TYW1B: variants seen among roughly 807,000 people sequenced by gnomAD.
The protein encoded by TYW1B is tRNA-yW synthesizing protein 1 homolog B, also known as S-adenosyl-L-methionine-dependent tRNA 4-demethylwyosine synthase TYW1B.
Under a neutral mutation model 86.9 loss-of-function variants are expected in TYW1B, and 73 were observed. That is an observed-to-expected ratio of 0.84 (90% confidence interval 0.70 to 1.02). The LOEUF (loss-of-function observed/expected upper bound fraction) is 1.02. TYW1B is among the 50% of genes least tolerant of loss of function. TYW1B has a pLI of 0.00. For synonymous variants in TYW1B, 248 were observed against 292.8 expected, an observed-to-expected ratio of 0.85 and a Z score of 1.56; for missense variants, 637 against 827.4, an observed-to-expected ratio of 0.77 and a Z score of 2.82.
At chr7:72,600,471 A>G (rs1811639098) in intron 13 of TYW1B, among the ~76,000 whole-genome samples, 1 of 152,210 alleles carries the variant, frequency 6.6e-6, no homozygotes, top group Non-Finnish European at 1.5e-5. Context: ...CACCATCAAA[A>G]GTGGGATCCA....
Position 72,617,586 on chromosome 7 carries a change from T to C in TYW1B, c.1618-747A>G, listed in dbSNP as rs191468328. 2.6e-5 allele frequency among the ~76,000 whole-genome samples: 4 copies of C among 152,276 alleles called. No individual in the cohort carries two copies. In the East Asian group the frequency reaches 7.7e-4, roughly 29 times the overall value. On this transcript the variant is annotated intron_variant, in intron 12 of 13. Transcript: ENST00000620995. Reference sequence around the variant, plus strand: ...TTCGCCATGTTGACCAGGCTGGTCTTGAATTCCTGGCCTCAAGCAATCTAC... The same window carrying C: ...TTCGCCATGTTGACCAGGCTGGTCTCGAATTCCTGGCCTCAAGCAATCTAC...
At chr7:72,702,213 G>A (rs1302930421) in intron 10 of TYW1B, among the ~76,000 whole-genome samples, 1 of 152,068 alleles carries the variant, frequency 6.6e-6, no homozygotes, top group Non-Finnish European at 1.5e-5. Flanking sequence ...AGACAAACTT[G>A]AGTCACTTCA....
intron 11 of TYW1B, among the ~76,000 whole-genome samples, chr7:72,681,246 G>T (rs2844209): frequency 5.7e-4 from 78 of 136,700 alleles, no homozygotes; most frequent in Admixed American, 1.2e-3. Context: ...CAATTTGCTC[G>T]TTCACCAAAT....
At chr7:72,812,575 T>C (rs554582169) in intron 3 of TYW1B, among the ~76,000 whole-genome samples, 263 of 152,250 alleles carry the variant, frequency 1.7e-3, no homozygotes, top group African/African-American at 6.0e-3. Flanking sequence ...AGCTCACTCA[T>C]GTGCACACCA....
At chr7:72,706,946 G>A (rs1726063585) in intron 10 of TYW1B, among the ~76,000 whole-genome samples, 1 of 152,160 alleles carries the variant, frequency 6.6e-6, no homozygotes, top group South Asian at 2.1e-4. Flanking sequence ...AGGAGAAAAT[G>A]GATTGCATAT....
intron 7 of TYW1B, among the ~76,000 whole-genome samples, chr7:72,745,548 CA>C (rs1787378897): frequency 6.6e-6 from 1 of 151,868 alleles, no homozygotes; most frequent in South Asian, 2.1e-4. Context: ...AAGGTAAAAT[CA>C]GATCTGTCCA....
At chr7:72,671,019 T>C (rs1813588198) in intron 11 of TYW1B, among the ~76,000 whole-genome samples, 1 of 152,190 alleles carries the variant, frequency 6.6e-6, no homozygotes, top group African/African-American at 2.4e-5. Context: ...ACTCAGCAAA[T>C]ATTTATTGAA....
chr7:72,586,301 A>G (rs1554430494), intron 13 of TYW1B, among the ~76,000 whole-genome samples: 2 of 152,208 alleles, frequency 1.3e-5, no homozygotes, highest in Non-Finnish European at 2.9e-5. Flanking sequence ...CTTGGTGTCC[A>G]AAGATTTTAC....
chr7:72,585,105 T>C (rs1335591326), intron 13 of TYW1B, among the ~76,000 whole-genome samples: 3 of 152,242 alleles, frequency 2.0e-5, no homozygotes, highest in African/African-American at 7.2e-5. Context: ...TCGGTTTCCC[T>C]TGTAACTTCT....
chr7:72,728,789 A>C (rs1787051844), intron 9 of TYW1B, 33 bp downstream of exon 9: 3 of 1,590,686 alleles, frequency 1.9e-6, no homozygotes, highest in South Asian at 2.3e-5. Context: ...ATTAACAAGT[A>C]TTAGCATTCC....
intron 7 of TYW1B, among the ~76,000 whole-genome samples, chr7:72,764,376 G>A (rs782268750): frequency 5.3e-5 from 8 of 152,102 alleles, no homozygotes; most frequent in East Asian, 1.9e-4. Flanking sequence ...TCCGCCTCCC[G>A]GGTTTGAGCG....
intron 11 of TYW1B, among the ~76,000 whole-genome samples, chr7:72,641,008 A>C (rs1812787725): frequency 6.6e-6 from 1 of 152,154 alleles, no homozygotes; most frequent in Non-Finnish European, 1.5e-5. Flanking sequence ...AAGATCAACT[A>C]AATGGACCCT....
At chr7:72,598,797 A>G (rs1434612620) in intron 13 of TYW1B, among the ~76,000 whole-genome samples, 1 of 152,178 alleles carries the variant, frequency 6.6e-6, no homozygotes, top group Non-Finnish European at 1.5e-5. Flanking sequence ...CTGGGGCTAC[A>G]GCAGGTGATT....
chr7:72,618,113 G>A (rs149107752), intron 12 of TYW1B, among the ~76,000 whole-genome samples: 205 of 151,712 alleles, frequency 1.4e-3, no homozygotes, highest in African/African-American at 4.9e-3. Context: ...AGAAAGGCAT[G>A]TGCACCTCTC....
At chr7:72,665,989 T>C (rs1162445452) in intron 11 of TYW1B, among the ~76,000 whole-genome samples, 5 of 152,070 alleles carry the variant, frequency 3.3e-5, no homozygotes, top group Non-Finnish European at 5.9e-5. Flanking sequence ...TATGAAGAAA[T>C]AGAGCAAGAT....
intron 11 of TYW1B, among the ~76,000 whole-genome samples, chr7:72,682,219 A>C (rs1282768737): frequency 3.3e-5 from 5 of 152,052 alleles, no homozygotes; most frequent in East Asian, 3.8e-4. Flanking sequence ...CTGTTAACAA[A>C]AAAAAAAAAG....
Position 72,574,924 on chromosome 7 carries a change from G to T in TYW1B, c.*574C>A. 3.0e-6 allele frequency: 3 copies of T among 986,638 alleles called. No individual in the cohort carries two copies. The highest frequency in any genetic ancestry group is 3.6e-6 in the Non-Finnish European group (3 of 830,750). The allele number at this position is 986,638 out of a possible 1,614,324, so 61.1% of individuals were successfully genotyped here. ...TAGATCCGATGCAATTTTGGGAAGG[G>T]TTAGTAATAAACCAAAACTCAATCT... On this transcript the variant is annotated 3_prime_UTR_variant, in exon 14 of 14. Transcript: ENST00000620995.
At chr7:72,610,379 T>C (rs1237304906) in intron 13 of TYW1B, among the ~76,000 whole-genome samples, 2 of 151,902 alleles carry the variant, frequency 1.3e-5, no homozygotes, top group Admixed American at 6.6e-5. Context: ...TCTACCTACA[T>C]GAAAAATAAA....
chr7:72,748,717 G>A (rs1406529136), intron 7 of TYW1B, among the ~76,000 whole-genome samples: 5 of 151,574 alleles, frequency 3.3e-5, no homozygotes, highest in Non-Finnish European at 7.4e-5. Context: ...TTCTTAGCAT[G>A]TTTGATATGG....
Sources: allele counts gnomAD v4.1 joint callset (sites outside exome capture counted in the v4.1 genomes callset), GRCh38; gene constraint gnomAD v4.1.1; transcripts MANE v1.5; gene names NCBI Gene and HGNC (gene_info 2026-07-23, HGNC 2026-07-21).